The following LRRC8B variants were observed in gnomAD, a reference collection of about 807,000 sequenced individuals.
LRRC8B encodes leucine rich repeat containing 8 VRAC subunit B.
A neutral mutation model predicts 58.8 loss-of-function variants in LRRC8B; 23 were observed. The observed-to-expected ratio is 0.39, with a 90% CI of 0.28 to 0.55. The LOEUF (loss-of-function observed/expected upper bound fraction) is 0.55, where lower values mean the gene tolerates loss of function less well. LRRC8B is among the 20% of genes least tolerant of loss of function. LRRC8B has a pLI of 0.62. For missense variants in LRRC8B, 694 were observed against 936.0 expected, an observed-to-expected ratio of 0.74 and a Z score of 3.37; for synonymous variants, 359 against 374.1, an observed-to-expected ratio of 0.96 and a Z score of 0.47.
At chr1:89,554,809 A>AG (rs1652061107) in intron 1 of LRRC8B, among the ~76,000 whole-genome samples, 1 of 152,194 alleles carries the variant, frequency 6.6e-6, no homozygotes, top group Admixed American at 6.5e-5. Flanking sequence ...GAGAAAAGAC[A>AG]GGAAAAAAAC....
intron 5 of LRRC8B, among the ~76,000 whole-genome samples, chr1:89,591,798 C>CA (rs1402223572): frequency 6.6e-6 from 1 of 152,124 alleles, no homozygotes; most frequent in Non-Finnish European, 1.5e-5. Context: ...CTGTTTCTAA[C>CA]AAAGCCAGTT....
At chr1:89,576,336 C>A (rs924618889) in intron 3 of LRRC8B, among the ~76,000 whole-genome samples, 28 of 152,158 alleles carry the variant, frequency 1.8e-4, no homozygotes, top group African/African-American at 6.5e-4. Context: ...GCACTTTTCT[C>A]AGACAGTTTA....
intron 1 of LRRC8B, among the ~76,000 whole-genome samples, chr1:89,566,782 G>A (rs1457299324): frequency 2.0e-5 from 3 of 152,162 alleles, no homozygotes; most frequent in Non-Finnish European, 2.9e-5. Context: ...TTTTCTATCA[G>A]AAAGCTGATT....
intron 1 of LRRC8B, among the ~76,000 whole-genome samples, chr1:89,533,898 A>C (rs1650328601): frequency 6.6e-6 from 1 of 152,236 alleles, no homozygotes; most frequent in South Asian, 2.1e-4. Flanking sequence ...TGGAAGTAAC[A>C]AGGTACATTA....
At chr1:89,542,593 G>T (rs1361370689) in intron 1 of LRRC8B, among the ~76,000 whole-genome samples, 1 of 152,052 alleles carries the variant, frequency 6.6e-6, no homozygotes, top group East Asian at 1.9e-4. Flanking sequence ...TTTTCTCAGA[G>T]ATCTCTTTGA....
chr1:89,579,668 T>A lies in LRRC8B; in HGVS notation c.-47T>A, dbSNP rs1654084278. 6.6e-6 allele frequency: 1 copy of A among 152,554 alleles called. No individual in the cohort carries two copies. The highest frequency in any genetic ancestry group is 2.1e-4 in the South Asian group (1 of 4,816). 9.5% of individuals were successfully genotyped at this position (152,554 alleles called of 1,614,324 possible). On this transcript the variant is annotated 5_prime_UTR_variant, in exon 4 of 6. Transcript: ENST00000330947. ...CCTCCTGACTGAAGCATATTGGATTTATTTAATTTTTTTCACTGTAGTAAG... is the reference window on the plus strand; with the variant it reads ...CCTCCTGACTGAAGCATATTGGATTAATTTAATTTTTTTCACTGTAGTAAG...
chr1:89,542,398 C>A (rs1268401021), intron 1 of LRRC8B, among the ~76,000 whole-genome samples: 1 of 152,166 alleles, frequency 6.6e-6, no homozygotes, highest in Non-Finnish European at 1.5e-5. Flanking sequence ...ACTATAAATT[C>A]CATGAGGTAG....
intron 1 of LRRC8B, among the ~76,000 whole-genome samples, chr1:89,535,515 A>G (rs911849778): frequency 1.3e-5 from 2 of 152,180 alleles, no homozygotes; most frequent in South Asian, 2.1e-4. Context: ...GAAGAGCAAG[A>G]CCCTCTTTTA....
intron 1 of LRRC8B, among the ~76,000 whole-genome samples, chr1:89,535,043 ATG>A (rs1650429137): frequency 6.6e-6 from 1 of 152,012 alleles, no homozygotes; most frequent in African/African-American, 2.4e-5. Flanking sequence ...GAGAAATAAG[ATG>A]TTTGCCTTTC....
Position 89,584,045 on chromosome 1 carries a change from C to T in LRRC8B, c.1395C>T (p.Leu465=). The change falls in exon 5 of 6, where the codon CTC becomes CTT. Residue 465 remains leucine, a synonymous_variant. Coordinates refer to ENST00000330947, the MANE Select transcript of LRRC8B (RefSeq NM_001369817.2). ...CTGCAGTCTCACAGCTGGTCAACCT[C>T]AAGGAGCTTCGTGTGTACCATTCAT... is the stretch of plus-strand genomic sequence containing the variant. ...LPSAVSQLVN[L]KELRVYHSSL... The T allele has an allele frequency of 1.2e-6, 2 of 1,614,138 alleles. No individual in the cohort carries two copies. The highest frequency in any genetic ancestry group is 1.7e-6 in the Non-Finnish European group (2 of 1,180,022).
At chr1:89,558,847 T>G (rs1256614378) in intron 1 of LRRC8B, 1 of 152,102 alleles carries the variant, frequency 6.6e-6, no homozygotes. Flanking sequence ...AGGCACTAAA[T>G]CCCATCATTG....
chr1:89,536,393 T>C (rs1028670684), intron 1 of LRRC8B, among the ~76,000 whole-genome samples: 1 of 152,222 alleles, frequency 6.6e-6, no homozygotes, highest in Non-Finnish European at 1.5e-5. Flanking sequence ...CTCTAAGGAT[T>C]GGGAAACTTG....
intron 5 of LRRC8B, among the ~76,000 whole-genome samples, chr1:89,589,979 TTTG>T (rs1184163215): frequency 2.6e-5 from 4 of 152,204 alleles, no homozygotes; most frequent in Non-Finnish European, 5.9e-5. Flanking sequence ...GCCATTAGTT[TTTG>T]TTGTTGTCAT....
chr1:89,591,651 A>AT (rs1447340115), intron 5 of LRRC8B, among the ~76,000 whole-genome samples: 1 of 152,124 alleles, frequency 6.6e-6, no homozygotes, highest in Admixed American at 6.5e-5. Flanking sequence ...GAATTTGGTC[A>AT]TTTTTTAGTT....
intron 5 of LRRC8B, among the ~76,000 whole-genome samples, chr1:89,586,998 G>T (rs959876363): frequency 2.6e-5 from 4 of 152,144 alleles, no homozygotes; most frequent in African/African-American, 9.7e-5. Context: ...TCAGATATTT[G>T]AAAAATTTAC....
chr1:89,581,276 A>T (rs1463770829), intron 4 of LRRC8B, among the ~76,000 whole-genome samples: 7 of 64,850 alleles, frequency 1.1e-4, no homozygotes, highest in African/African-American at 2.3e-4. Flanking sequence ...TCCGTCTCAA[A>T]AAAAAAAAAA....
intron 1 of LRRC8B, chr1:89,549,940 C>T (rs116566534): frequency 3.5e-4 from 53 of 152,232 alleles, no homozygotes; most frequent in African/African-American, 1.3e-3. Flanking sequence ...TTTCAGCTGC[C>T]TACTAGACCT....
intron 1 of LRRC8B, chr1:89,558,621 G>A (rs973361558): frequency 1.3e-5 from 2 of 152,152 alleles, no homozygotes; most frequent in African/African-American, 4.8e-5. Flanking sequence ...AAGTTTCTGG[G>A]TTAGGTGCCT....
At position 89,553,088 on chromosome 1, in the gene LRRC8B, G is replaced by C. The variant is rs1651937155; in HGVS notation, c.-240-15159G>C. Reference sequence around the variant, plus strand: ...AGAAGACTATTGTTTCAAAGTAGAGGAAGGCATTTTTGTTTGATTTAGACT... The same window carrying C: ...AGAAGACTATTGTTTCAAAGTAGAGCAAGGCATTTTTGTTTGATTTAGACT... On this transcript the variant is annotated intron_variant, in intron 1 of 5. Coordinates refer to ENST00000330947, the MANE Select transcript of LRRC8B (RefSeq NM_001369817.2). 2.0e-5 allele frequency among the ~76,000 whole-genome samples: 3 copies of C among 152,294 alleles called. No homozygotes were observed. In the South Asian group the frequency reaches 6.2e-4, roughly 32 times the overall value.
Sources: gnomAD v4.1 joint callset for allele counts (sites outside exome capture counted in the v4.1 genomes callset) on GRCh38, gnomAD v4.1.1 for gene constraint, MANE v1.5 for transcripts, NCBI Gene and HGNC (gene_info 2026-07-23, HGNC 2026-07-21) for gene names.